KDM5B: variants seen among roughly 807,000 people sequenced by gnomAD.
KDM5B encodes the protein lysine demethylase 5B.
In KDM5B, 144 loss-of-function variants were observed where a neutral mutation model predicts 193.4. The observed-to-expected ratio is 0.74, with a 90% CI of 0.65 to 0.86. The LOEUF (loss-of-function observed/expected upper bound fraction) is 0.86. Among genes scored for constraint, KDM5B ranks in the 40% least tolerant of loss-of-function variants. KDM5B has a pLI of 0.00. For missense variants in KDM5B, 1,833 were observed against 1,886.9 expected (o/e 0.97, Z 0.53); for synonymous variants, 668 against 682.6 (o/e 0.98, Z 0.33).
At chr1:202,777,138 T>C in intron 1 of KDM5B, 44 bp from the exon 2 acceptor site, 2 of 1,430,172 alleles carry the variant, frequency 1.4e-6, no homozygotes, top group South Asian at 1.2e-5. Context: ...TTATAAGCAT[T>C]TGACATTCAA....
rs1487236206 is a variant in KDM5B at position 202,746,212 on chromosome 1, G to A, written c.2128C>T (p.Pro710Ser). The A allele has an allele frequency of 6.2e-7, 1 of 1,613,692 alleles. No individual in the cohort carries two copies. The highest frequency in any genetic ancestry group is 8.5e-7 in the Non-Finnish European group (1 of 1,179,768). ...FMSAISCSCK[P>S]GLLVCLHHVK... ...TGATGCAGGCAAACAAGAAGGCCAGGTTTACAAGAACAGGAGATGGCAGAC... is the reference window on the plus strand; with the variant it reads ...TGATGCAGGCAAACAAGAAGGCCAGATTTACAAGAACAGGAGATGGCAGAC... The change falls in exon 15 of 27, where the codon CCT (proline) becomes TCT (serine). Residue 710 changes from proline (P) to serine (S), a missense_variant. Pro to Ser is a moderately conservative substitution (Grantham distance 74). Transcript: ENST00000367265.
chr1:202,784,173 A>G (rs781225955), intron 1 of KDM5B, among the ~76,000 whole-genome samples: 5 of 152,228 alleles, frequency 3.3e-5, no homozygotes, highest in African/African-American at 7.2e-5. Flanking sequence ...TAACATCCAC[A>G]TATTTAATAT....
rs774828261 is a variant in KDM5B at position 202,725,093 on chromosome 1, C to T, written c.*3943G>A. 1 of 152,174 alleles carries T rather than the reference C, an allele frequency of 6.6e-6. No homozygotes were observed. The highest frequency in any genetic ancestry group is 1.5e-5 in the Non-Finnish European group (1 of 68,042). 9.4% of individuals were successfully genotyped at this position (152,174 alleles called of 1,614,324 possible). ...AGCCGGTTATCCTGAAAATAAGAAA[C>T]ACACCGAAACTCACCACTTTCTAGC... On this transcript the variant is annotated 3_prime_UTR_variant, in exon 27 of 27. Transcript: ENST00000367265.
chr1:202,770,798 T>C (rs1656681614), intron 4 of KDM5B, among the ~76,000 whole-genome samples: 1 of 152,238 alleles, frequency 6.6e-6, no homozygotes, highest in African/African-American at 2.4e-5. Flanking sequence ...AGTGATTTTA[T>C]TTTTGCCATA....
intron 1 of KDM5B, among the ~76,000 whole-genome samples, chr1:202,801,136 G>A (rs771212853): frequency 6.6e-6 from 1 of 152,098 alleles, no homozygotes; most frequent in Admixed American, 6.6e-5. Flanking sequence ...AATAGCTAAA[G>A]TAACTATTCT....
chr1:202,747,482 G>A (rs900183056), intron 14 of KDM5B, among the ~76,000 whole-genome samples: 3 of 151,508 alleles, frequency 2.0e-5, no homozygotes, highest in Non-Finnish European at 4.4e-5. Context: ...AAATATAAGA[G>A]GGTAAGGTAG....
chr1:202,797,513 G>A (rs1166661333), intron 1 of KDM5B, among the ~76,000 whole-genome samples: 4 of 152,136 alleles, frequency 2.6e-5, no homozygotes, highest in Non-Finnish European at 5.9e-5. Flanking sequence ...AAATATGATG[G>A]TGGCTCTTGT....
At position 202,741,507 on chromosome 1, in the gene KDM5B, T is replaced by C; in HGVS notation, c.2805A>G (p.Leu935=). The change falls in exon 19 of 27, where the codon TTA becomes TTG. Residue 935 remains leucine, a synonymous_variant. Coordinates refer to ENST00000367265, the MANE Select transcript of KDM5B (RefSeq NM_006618.5). The part of the protein sequence containing the change: ...QACLDPSSLT[L]DDMRRLIDLG... ...GGTCTATGAGACGTCTCATATCATCTAAAGTAAGGGAGCTGGGGTCTAGGC... is the reference window on the plus strand; with the variant it reads ...GGTCTATGAGACGTCTCATATCATCCAAAGTAAGGGAGCTGGGGTCTAGGC... 6.2e-7 allele frequency: 1 copy of C among 1,614,184 alleles called. No homozygotes were observed. The highest frequency in any genetic ancestry group is 8.5e-7 in the Non-Finnish European group (1 of 1,180,034).
intron 26 of KDM5B, chr1:202,729,440 T>TA (rs1654792832): frequency 1.7e-6 from 1 of 591,966 alleles, no homozygotes; most frequent in African/African-American, 1.9e-5. Context: ...CACATCAGCA[T>TA]CCCTCCCACC....
chr1:202,760,414 C>G lies in KDM5B; in HGVS notation c.1077+1G>C. The G allele has an allele frequency of 6.3e-7, 1 of 1,595,710 alleles. No individual in the cohort carries two copies. The highest frequency in any genetic ancestry group is 8.5e-7 in the Non-Finnish European group (1 of 1,172,284). ...GTGTTACCTCTACTATTAATTATTA[C>G]CTGAGCCAAACACTTAGGACACCTC... On this transcript the variant is annotated splice_donor_variant, in intron 8 of 26. Coordinates refer to ENST00000367265, the MANE Select transcript of KDM5B (RefSeq NM_006618.5). LOFTEE classifies it high-confidence loss of function.
intron 5 of KDM5B, among the ~76,000 whole-genome samples, chr1:202,765,544 T>C (rs1572741717): frequency 6.6e-6 from 1 of 152,236 alleles, no homozygotes; most frequent in Non-Finnish European, 1.5e-5. Flanking sequence ...TATACACATG[T>C]ATAAGATCAA....
intron 2 of KDM5B, among the ~76,000 whole-genome samples, chr1:202,776,690 T>A (rs969392313): frequency 6.6e-6 from 1 of 151,992 alleles, no homozygotes; most frequent in Non-Finnish European, 1.5e-5. Context: ...GCCTCCCGAG[T>A]AGCTGGAACT....
chr1:202,794,680 C>T (rs1247613942), intron 1 of KDM5B, among the ~76,000 whole-genome samples: 5 of 152,082 alleles, frequency 3.3e-5, no homozygotes, highest in Admixed American at 2.0e-4. Context: ...GTGACTGATT[C>T]AAGACCAAAA....
In KDM5B at chr1:202,729,138, C is replaced by A; in HGVS notation, c.4533G>T (p.Gln1511His). ...CACCAACACAGACCTGATGAAACCA[C>A]TGATTGCAGCTGCCATCACACTGGA... ...DWVQCDGSCN[Q>H]WFHQVCVGVS... The change falls in exon 27 of 27, where the codon CAG (glutamine) becomes CAT (histidine). Residue 1511 changes from glutamine (Q) to histidine (H), a missense_variant. This residue lies in a region of KDM5B where 1,379 missense variants were observed against 1,349.6 expected (regional missense o/e 1.02). Coordinates refer to ENST00000367265, the MANE Select transcript of KDM5B (RefSeq NM_006618.5). 1 of 1,614,162 alleles carries A rather than the reference C, an allele frequency of 6.2e-7. No homozygotes were observed. The highest frequency in any genetic ancestry group is 8.5e-7 in the Non-Finnish European group (1 of 1,179,990).
intron 1 of KDM5B, among the ~76,000 whole-genome samples, chr1:202,787,490 T>C (rs1026470558): frequency 2.0e-5 from 3 of 152,210 alleles, no homozygotes; most frequent in Admixed American, 2.0e-4. Flanking sequence ...TAATCTGTAA[T>C]GCATTGTATT....
chr1:202,748,205 G>C (rs1347854935), intron 14 of KDM5B, among the ~76,000 whole-genome samples: 1 of 152,066 alleles, frequency 6.6e-6, no homozygotes, highest in East Asian at 1.9e-4. Context: ...ATATCCACAT[G>C]CAAAAAAATG....
intron 1 of KDM5B, among the ~76,000 whole-genome samples, chr1:202,802,805 T>TA (rs368479844): frequency 1.6e-3 from 246 of 152,312 alleles, no homozygotes; most frequent in African/African-American, 5.7e-3. Context: ...AATACTCTAA[T>TA]ACTCTAAGTC....
rs769460559 is a variant in KDM5B, at chr1:202,733,478, C to T, written c.3832G>A (p.Val1278Met). Reference sequence around the variant, plus strand: ...AGTCCTGAGCCCACTCGATCTTGCACAAATTTAAGATTCCCTGACGAAAGC... The same window carrying T: ...AGTCCTGAGCCCACTCGATCTTGCATAAATTTAAGATTCCCTGACGAAAGC... The part of the protein sequence containing the change: ...QLLSSGNLKF[V>M]QDRVGSGLLY... The change falls in exon 23 of 27, where the codon GTG becomes ATG. Residue 1278 changes from valine to methionine, a missense_variant. By Grantham distance (21) the Val-to-Met change is conservative. This residue lies in a region of KDM5B where 1,379 missense variants were observed against 1,349.6 expected (regional missense o/e 1.02). Coordinates refer to ENST00000367265, the MANE Select transcript of KDM5B (RefSeq NM_006618.5). 2 of 1,614,168 alleles carry T rather than the reference C, an allele frequency of 1.2e-6. No homozygotes were observed. Among genetic ancestry groups the T allele is most frequent in the Admixed American group, 3.3e-5 (2 of 60,026 alleles).
chr1:202,784,836 C>T (rs990590096), intron 1 of KDM5B, among the ~76,000 whole-genome samples: 2 of 152,148 alleles, frequency 1.3e-5, no homozygotes, highest in African/African-American at 4.8e-5. Context: ...GAGTTCAAGA[C>T]CAGCCAGGCC....
Sources: allele counts gnomAD v4.1 joint callset (sites outside exome capture counted in the v4.1 genomes callset), GRCh38; gene constraint gnomAD v4.1.1; regional missense constraint gnomAD v4.1.1; transcripts MANE v1.5; gene names NCBI Gene and HGNC (gene_info 2026-07-23, HGNC 2026-07-21).